The following PREX2 variants were observed in gnomAD, a reference collection of about 807,000 sequenced individuals.
The protein encoded by PREX2 is phosphatidylinositol 3,4,5-trisphosphate-dependent Rac exchanger 2 protein.
PREX2 carries 107 observed loss-of-function variants against 203.2 expected under a neutral mutation model. The observed-to-expected ratio is 0.53, with a 90% CI of 0.45 to 0.62. PREX2 has a LOEUF of 0.62. Ranked by LOEUF, PREX2 falls within the 20% of genes least tolerant of loss-of-function variation. The pLI is 0.00. For missense variants in PREX2, 1,777 were observed against 1,955.9 expected, an observed-to-expected ratio of 0.91 and a Z score of 1.72; for synonymous variants, 672 against 663.6, an observed-to-expected ratio of 1.01 and a Z score of -0.19.
chr8:68,192,625 T>C (rs1812320796), intron 37 of PREX2, 100 bp downstream of exon 37: 1 of 855,850 alleles, frequency 1.2e-6, no homozygotes, highest in Admixed American at 3.1e-5. Flanking sequence ...ACTGGAAACA[T>C]TCAAAGACTC....
intron 35 of PREX2, among the ~76,000 whole-genome samples, chr8:68,184,576 C>G (rs1812152017): frequency 1.3e-5 from 2 of 152,162 alleles, no homozygotes; most frequent in Non-Finnish European, 2.9e-5. Flanking sequence ...TGAGAACTTT[C>G]TGTAAATGAT....
intron 1 of PREX2, among the ~76,000 whole-genome samples, chr8:67,985,076 A>G (rs963057676): frequency 6.6e-6 from 1 of 152,144 alleles, no homozygotes; most frequent in African/African-American, 2.4e-5. Context: ...ATAGAAGCAG[A>G]GAAAACATAC....
At position 68,141,562 on chromosome 8, in the gene PREX2, G is replaced by A. The variant is rs73263315; in HGVS notation, c.4087+3045G>A. On this transcript the variant is annotated intron_variant, in intron 33 of 39. Coordinates refer to ENST00000288368, the MANE Select transcript of PREX2 (RefSeq NM_024870.4). ...AAGCAGATGCATAAAGAAAAAAGGC[G>A]AGGCAGCCCTTCAAGGGGTGACTGG... 2.7e-3 allele frequency among the ~76,000 whole-genome samples: 407 copies of A among 152,290 alleles called. 2 individuals are homozygous for A. The highest frequency in any genetic ancestry group is 9.4e-3 in the African/African-American group (391 of 41,562).
rs1016407704 is a variant in PREX2, at chr8:68,231,978, A to G, written c.*600A>G. The G allele has an allele frequency of 1.3e-5, 2 of 152,224 alleles. No individual in the cohort carries two copies. Among genetic ancestry groups the G allele is most frequent in the Non-Finnish European group, 2.9e-5 (2 of 68,050 alleles). The allele number at this position is 152,224 out of a possible 1,614,324, so 9.4% of individuals were successfully genotyped here. A position where few individuals can be genotyped will look rare whatever the true frequency, so the allele number is the denominator to read the frequency against. ...AAGGGCTTATTTCTTATTAGAGGAG[A>G]AGAAAGCTGACTAAGGCCTCCAGCA... On this transcript the variant is annotated 3_prime_UTR_variant, in exon 40 of 40. Transcript: ENST00000288368.
At chr8:68,080,374 T>C (rs1809476657) in intron 15 of PREX2, 69 bp from the exon 16 acceptor site, 1 of 1,382,164 alleles carries the variant, frequency 7.2e-7, no homozygotes, top group East Asian at 2.3e-5. Context: ...TTTGTAAATG[T>C]CACTGCTATT....
intron 14 of PREX2, among the ~76,000 whole-genome samples, chr8:68,075,881 C>T (rs1367883189): frequency 6.6e-6 from 1 of 152,080 alleles, no homozygotes; most frequent in East Asian, 1.9e-4. Context: ...CCTTTATAGA[C>T]AGGTAGAATG....
In PREX2 at chr8:67,952,339, G is replaced by A; in HGVS notation, c.-56G>A. On this transcript the variant is annotated 5_prime_UTR_variant, in exon 1 of 40. Transcript: ENST00000288368. ...CGCCGGGGGCCGGGCAGCAGCGGGCGCGCGGGTCAGCGCTCAGCACGGCGG... is the reference window on the plus strand; with the variant it reads ...CGCCGGGGGCCGGGCAGCAGCGGGCACGCGGGTCAGCGCTCAGCACGGCGG... The A allele has an allele frequency of 1.5e-6, 2 of 1,337,704 alleles. No homozygotes were observed. 82.9% of individuals were successfully genotyped at this position (1,337,704 alleles called of 1,614,324 possible).
intron 34 of PREX2, among the ~76,000 whole-genome samples, chr8:68,153,966 G>A (rs1811492281): frequency 6.6e-6 from 1 of 152,324 alleles, no homozygotes; most frequent in East Asian, 1.9e-4. Flanking sequence ...ATTAAATTAT[G>A]TTTACATACT....
chr8:68,124,726 A>G (rs1810855579), intron 30 of PREX2, among the ~76,000 whole-genome samples: 1 of 152,180 alleles, frequency 6.6e-6, no homozygotes, highest in Admixed American at 6.5e-5. Flanking sequence ...TTTTCATTTC[A>G]AGACCTGCTT....
chr8:67,959,914 T>C (rs1225056875), intron 1 of PREX2, among the ~76,000 whole-genome samples: 2 of 152,108 alleles, frequency 1.3e-5, no homozygotes, highest in African/African-American at 4.8e-5. Context: ...CCTCTGTATG[T>C]CTCAGTTTCA....
At chr8:68,139,991 G>A (rs1468989128) in intron 33 of PREX2, among the ~76,000 whole-genome samples, 2 of 152,156 alleles carry the variant, frequency 1.3e-5, no homozygotes, top group Non-Finnish European at 2.9e-5. Flanking sequence ...AACCTGATAT[G>A]TTGTTTAAAG....
At chr8:68,196,457 T>G (rs1812396475) in intron 37 of PREX2, among the ~76,000 whole-genome samples, 1 of 147,182 alleles carries the variant, frequency 6.8e-6, no homozygotes. Flanking sequence ...TTTAATAAAA[T>G]GGAGACACTA....
chr8:68,183,770 G>A (rs985917196), intron 35 of PREX2, among the ~76,000 whole-genome samples: 46 of 152,174 alleles, frequency 3.0e-4, no homozygotes, highest in African/African-American at 1.0e-3. Context: ...GAAGAGTAGA[G>A]AGGTGTGTCT....
intron 33 of PREX2, among the ~76,000 whole-genome samples, chr8:68,141,576 AG>A (rs1366435972): frequency 4.3e-4 from 66 of 152,342 alleles, no homozygotes; most frequent in African/African-American, 1.4e-3. Flanking sequence ...CAGCCCTTCA[AG>A]GGGTGACTGG....
rs189634654 is a variant in PREX2 at position 68,211,866 on chromosome 8, G to A, written c.4605-5750G>A. On this transcript the variant is annotated intron_variant, in intron 37 of 39. Transcript: ENST00000288368. ...GAAAGTGGGAGAGGATGAAGAGTTT[G>A]CCTTTGAAAATGTTGCCACTGGAAA... is the stretch of plus-strand genomic sequence containing the variant. Among the ~76,000 whole-genome samples, 455 of 152,252 alleles carry A rather than the reference G, an allele frequency of 3.0e-3. 1 individual carries two copies. Among genetic ancestry groups the A allele is most frequent in the African/African-American group, 0.01 (416 of 41,532 alleles).
chr8:68,130,114 C>CCA (rs534470873), intron 31 of PREX2, among the ~76,000 whole-genome samples: 2 of 102,670 alleles, frequency 1.9e-5, no homozygotes. Flanking sequence ...CCTGCCTCTG[C>CCA]AAAAAAAAAA....
At chr8:68,020,640 G>C (rs76563548) in intron 3 of PREX2, among the ~76,000 whole-genome samples, 1 of 152,134 alleles carries the variant, frequency 6.6e-6, no homozygotes, top group Admixed American at 6.6e-5. Flanking sequence ...GTCTCATTGG[G>C]TATAGGAAGA....
intron 22 of PREX2, among the ~76,000 whole-genome samples, chr8:68,097,419 G>A (rs919693827): frequency 6.6e-6 from 1 of 151,940 alleles, no homozygotes; most frequent in Non-Finnish European, 1.5e-5. Flanking sequence ...CTGCCTCCCG[G>A]GTTCAAGCAA....
chr8:68,092,629 TA>T (rs1435850553), intron 20 of PREX2, among the ~76,000 whole-genome samples: 1 of 152,152 alleles, frequency 6.6e-6, no homozygotes, highest in African/African-American at 2.4e-5. Flanking sequence ...TTGGAGGGAT[TA>T]AAAGATAGTT....
Sources: gnomAD v4.1 joint callset for allele counts (sites outside exome capture counted in the v4.1 genomes callset) on GRCh38, gnomAD v4.1.1 for gene constraint, MANE v1.5 for transcripts, NCBI Gene and HGNC (gene_info 2026-07-23, HGNC 2026-07-21) for gene names.